The following ATP6V0A4 variants were observed in gnomAD, a reference collection of about 807,000 sequenced individuals.
ATP6V0A4 encodes ATPase H+ transporting V0 subunit a4, also known as V-type proton ATPase 116 kDa subunit a 4.
In ATP6V0A4, 86 loss-of-function variants were observed where a neutral mutation model predicts 107.3. The observed-to-expected ratio is 0.80, with a 90% CI of 0.67 to 0.96. The LOEUF (loss-of-function observed/expected upper bound fraction) is 0.96, where lower values mean the gene tolerates loss of function less well. ATP6V0A4 is among the 40% of genes least tolerant of loss of function. The probability of loss-of-function intolerance (pLI) is 0.00; values close to 1 mark genes in which losing one functional copy is unlikely to be tolerated. For synonymous variants in ATP6V0A4, 353 were observed against 381.4 expected (o/e 0.93, Z 0.87); for missense variants, 908 against 1,045.6 (o/e 0.87, Z 1.81).
At chr7:138,782,259 C>T (rs1807959971) in intron 2 of ATP6V0A4, among the ~76,000 whole-genome samples, 1 of 152,176 alleles carries the variant, frequency 6.6e-6, no homozygotes, top group Non-Finnish European at 1.5e-5. Context: ...TTTGGCATTC[C>T]TTGGCTTGGA....
intron 1 of ATP6V0A4, among the ~76,000 whole-genome samples, chr7:138,787,900 G>C (rs567205319): frequency 1.3e-5 from 2 of 152,270 alleles, no homozygotes; most frequent in Admixed American, 1.3e-4. Flanking sequence ...TCAGGAGGCT[G>C]AGGCAGGAGG....
At chr7:138,759,652 T>G (rs1259693049) in intron 8 of ATP6V0A4, 100 bp downstream of exon 8, 1 of 1,257,144 alleles carries the variant, frequency 8.0e-7, no homozygotes, top group African/African-American at 1.5e-5. Flanking sequence ...GATATTAGTC[T>G]CATCAAACTA....
chr7:138,777,134 G>A (rs1028899625), intron 2 of ATP6V0A4, among the ~76,000 whole-genome samples: 1 of 137,760 alleles, frequency 7.3e-6, no homozygotes, highest in African/African-American at 2.6e-5. Flanking sequence ...AAAAGACACA[G>A]CGAGACTCCG....
At chr7:138,752,326 TGCCACTGCACAACAGCCTGG>T (rs1434487410) in intron 11 of ATP6V0A4, among the ~76,000 whole-genome samples, 1 of 150,840 alleles carries the variant, frequency 6.6e-6, no homozygotes, top group Non-Finnish European at 1.5e-5. Flanking sequence ...GCCGAGACTG[TGCCACTGCACAACAGCCTGG>T]GCTACAGAGC....
chr7:138,797,748 G>A (rs558707382), intron 1 of ATP6V0A4, among the ~76,000 whole-genome samples: 89 of 152,194 alleles, frequency 5.8e-4, no homozygotes, highest in Non-Finnish European at 1.1e-3. Context: ...CCTGCAGATG[G>A]GAGAGGCAGC....
chr7:138,744,485 G>A lies in ATP6V0A4; in HGVS notation c.1478+638C>T, dbSNP rs184514200. ...ACTCCTGAACTCAAGTGATCCTCCC[G>A]CCTCGGCCTCCCAAAGTGTTGAGAT... On this transcript the variant is annotated intron_variant, in intron 14 of 21. Coordinates refer to ENST00000310018, the MANE Select transcript of ATP6V0A4 (RefSeq NM_020632.3). Among the ~76,000 whole-genome samples, 511 of 151,772 alleles carry A rather than the reference G, an allele frequency of 3.4e-3. 3 individuals are homozygous for A. Among genetic ancestry groups the A allele is most frequent in the African/African-American group, 0.011 (465 of 41,346 alleles).
rs1805761338 is a variant in ATP6V0A4, at chr7:138,743,779, A to T, written c.1478+1344T>A. On this transcript the variant is annotated intron_variant, in intron 14 of 21. Transcript: ENST00000310018. ...GAGATGGGCAGAGACAGATGTTAGG[A>T]AACGTCACCATTGATATGTAGGTTT... Among the ~76,000 whole-genome samples the T allele has an allele frequency of 2.0e-5, 3 of 152,186 alleles. No individual in the cohort carries two copies. The South Asian group carries it at 6.2e-4, about 32-fold the overall frequency.
rs34413519 is a variant in ATP6V0A4, at chr7:138,789,968, CAAAAAAA to C, written c.-120-3715_-120-3709del. 2.8e-4 allele frequency among the ~76,000 whole-genome samples: 36 copies of C among 126,748 alleles called. 1 individual carries two copies. Among genetic ancestry groups the C allele is most frequent in the Admixed American group, 1.6e-4 (2 of 12,686 alleles). The allele number at this position is 126,748 out of a possible 152,430, so 83.2% of individuals were successfully genotyped here. ...TGGGTGACAGAGCAAGACTCTGTCT[CAAAAAAA>C]AAAAAAAAAAAAAAAGTATTAACTT... On this transcript the variant is annotated intron_variant, in intron 1 of 21. Coordinates refer to ENST00000310018, the MANE Select transcript of ATP6V0A4 (RefSeq NM_020632.3).
Position 138,714,056 on chromosome 7 carries a change from G to A in ATP6V0A4, c.2257+1708C>T, listed in dbSNP as rs533217318. Among the ~76,000 whole-genome samples the A allele has an allele frequency of 4.8e-5, 7 of 147,232 alleles. 1 individual carries two copies. In the South Asian group the frequency reaches 1.3e-3, roughly 28 times the overall value. ...AGTTTGAGGCTAGCCTAGGCAAAAA[G>A]GCAAAACCCTACCTCTACCAAAAAA... is the stretch of plus-strand genomic sequence containing the variant. On this transcript the variant is annotated intron_variant, in intron 20 of 21. Transcript: ENST00000310018.
intron 5 of ATP6V0A4, among the ~76,000 whole-genome samples, chr7:138,763,714 G>A (rs950700686): frequency 3.9e-5 from 6 of 151,950 alleles, no homozygotes; most frequent in East Asian, 3.9e-4. Context: ...GGCCAGGCAC[G>A]GTGGCTCATC....
intron 2 of ATP6V0A4, among the ~76,000 whole-genome samples, chr7:138,774,442 G>A (rs1290547056): frequency 6.6e-6 from 1 of 151,742 alleles, no homozygotes; most frequent in African/African-American, 2.4e-5. Context: ...TGAGCAGAGT[G>A]TGGTGGCGGG....
chr7:138,709,636 A>G lies in ATP6V0A4; in HGVS notation c.2417T>C (p.Leu806Pro). The G allele has an allele frequency of 2.5e-6, 4 of 1,612,474 alleles. No individual in the cohort carries two copies. The highest frequency in any genetic ancestry group is 3.4e-6 in the Non-Finnish European group (4 of 1,179,082). ...CAACCATCCTTACCAGTGCAGTCGC[A>G]GGGCGTGCAGGAAAGCAGAGAGGCC... is the stretch of plus-strand genomic sequence containing the variant. ...MEGLSAFLHALRLHWVEFQNK... is the reference protein window; with the variant it reads ...MEGLSAFLHAPRLHWVEFQNK... Residue 806 changes from leucine (L) to proline (P), a missense_variant, in exon 21 of 22, where the codon CTG becomes CCG. By Grantham distance (98) the Leu-to-Pro change is moderately conservative. Coordinates refer to ENST00000310018, the MANE Select transcript of ATP6V0A4 (RefSeq NM_020632.3).
intron 4 of ATP6V0A4, 138 bp from the exon 5 acceptor site, chr7:138,769,012 C>T: frequency 3.2e-6 from 5 of 1,565,564 alleles, no homozygotes; most frequent in Non-Finnish European, 3.5e-6. Flanking sequence ...GCACCTGGAT[C>T]CCACCCCCAA....
At chr7:138,779,643 C>A (rs1038163318) in intron 2 of ATP6V0A4, among the ~76,000 whole-genome samples, 1 of 152,142 alleles carries the variant, frequency 6.6e-6, no homozygotes, top group Non-Finnish European at 1.5e-5. Flanking sequence ...ATAATTCTAC[C>A]CAACATGATA....
intron 11 of ATP6V0A4, among the ~76,000 whole-genome samples, chr7:138,750,691 G>C (rs954625296): frequency 2.0e-5 from 3 of 152,126 alleles, no homozygotes; most frequent in African/African-American, 7.2e-5. Flanking sequence ...CCTGCTCCCC[G>C]GCCAGCCTCC....
intron 2 of ATP6V0A4, among the ~76,000 whole-genome samples, chr7:138,776,832 A>C (rs975052777): frequency 3.0e-4 from 45 of 152,104 alleles, no homozygotes; most frequent in Non-Finnish European, 3.4e-4. Context: ...TATCTGAAAA[A>C]CAGAAGAGGC....
Position 138,763,027 on chromosome 7 carries a change from T to G in ATP6V0A4, c.292-2A>C. The G allele has an allele frequency of 6.2e-7, 1 of 1,614,036 alleles. No individual in the cohort carries two copies. The highest frequency in any genetic ancestry group is 8.5e-7 in the Non-Finnish European group (1 of 1,180,004). ...TCCTTCCAGTTTTTCTAGAACAGTC[T>G]ATGCAGGAAGGAAAAAGAAGGTAAG... is the stretch of plus-strand genomic sequence containing the variant. On this transcript the variant is annotated splice_acceptor_variant, in intron 5 of 21. Coordinates refer to ENST00000310018, the MANE Select transcript of ATP6V0A4 (RefSeq NM_020632.3). LOFTEE classifies it high-confidence loss of function.
At chr7:138,720,130 G>A (rs1280725225) in intron 19 of ATP6V0A4, among the ~76,000 whole-genome samples, 1 of 152,140 alleles carries the variant, frequency 6.6e-6, no homozygotes, top group Non-Finnish European at 1.5e-5. Flanking sequence ...TAGTCAGCTT[G>A]CCTGAAGTGA....
chr7:138,749,171 G>T lies in ATP6V0A4; in HGVS notation c.1176C>A (p.Asn392Lys). 6.2e-7 allele frequency: 1 copy of T among 1,613,962 alleles called. No homozygotes were observed. The highest frequency in any genetic ancestry group is 2.2e-5 in the East Asian group (1 of 44,884). The change falls in exon 12 of 22, where the codon AAC (asparagine) becomes AAA (lysine). Residue 392 changes from asparagine (N) to lysine (K), a missense_variant. Physicochemically the swap from Asn to Lys is moderately conservative, Grantham distance 94 (BLOSUM62 0). Coordinates refer to ENST00000310018, the MANE Select transcript of ATP6V0A4 (RefSeq NM_020632.3). ...TGCAGTTCATCAGATCTTTACCTGG[G>T]TTTATCTCCCGGTAGCTGCCGACAC... ...AYGVGSYREI[N>K]PAPYTIITFP...
Sources: allele counts gnomAD v4.1 joint callset (sites outside exome capture counted in the v4.1 genomes callset), GRCh38; gene constraint gnomAD v4.1.1; transcripts MANE v1.5; gene names NCBI Gene and HGNC (gene_info 2026-07-23, HGNC 2026-07-21).